CYTH2: variants seen among roughly 807,000 people sequenced by gnomAD.
CYTH2 encodes the protein cytohesin-2.
CYTH2 carries 24 observed loss-of-function variants against 55.4 expected under a neutral mutation model. The observed-to-expected ratio is 0.43, with a 90% confidence interval of 0.31 to 0.61. The LOEUF (loss-of-function observed/expected upper bound fraction) is 0.61. CYTH2 is among the 20% of genes least tolerant of loss of function. The pLI, the probability that CYTH2 is intolerant of heterozygous loss-of-function variation, is 0.08. For synonymous variants in CYTH2, 221 were observed against 209.6 expected (o/e 1.05, Z -0.47); for missense variants, 378 against 533.5 (o/e 0.71, Z 2.87).
At chr19:48,478,411 C>T in intron 10 of CYTH2, 27 bp from the exon 11 acceptor site, 1 of 1,613,200 alleles carries the variant, frequency 6.2e-7, no homozygotes, top group Non-Finnish European at 8.5e-7. Flanking sequence ...CTGGTTCTTA[C>T]CTGCGCCCTT....
chr19:48,469,725 C>G (rs1971745149), intron 1 of CYTH2, 199 bp downstream of exon 1: 1 of 856,248 alleles, frequency 1.2e-6, no homozygotes, highest in East Asian at 2.8e-5. Flanking sequence ...ATTGTTTGGG[C>G]TGAGCCTGTT....
intron 1 of CYTH2, 163 bp from the exon 2 acceptor site, chr19:48,470,190 C>G (rs1389145555): frequency 1.8e-6 from 2 of 1,119,046 alleles, no homozygotes; most frequent in African/African-American, 3.1e-5. Context: ...AGCCCCAGCT[C>G]TTTCTCCTCT....
At chr19:48,470,795 C>T (rs915269813) in intron 3 of CYTH2, 126 bp downstream of exon 3, 10 of 1,005,774 alleles carry the variant, frequency 9.9e-6, no homozygotes, top group Non-Finnish European at 1.5e-5. Context: ...GTCCTAATCC[C>T]TGGATTCAGA....
At position 48,480,468 on chromosome 19, in the gene CYTH2, T is replaced by G. The variant is rs1163589227; in HGVS notation, c.*1258T>G. The G allele has an allele frequency of 6.6e-6, 1 of 152,190 alleles. No individual in the cohort carries two copies. The highest frequency in any genetic ancestry group is 1.5e-5 in the Non-Finnish European group (1 of 68,032). 9.4% of individuals were successfully genotyped at this position (152,190 alleles called of 1,614,324 possible). A position where few individuals can be genotyped will look rare whatever the true frequency, so the allele number is the denominator to read the frequency against. Reference sequence around the variant, plus strand: ...CCTTGGCCACAGGCACCTGCCGGCCTGAAGGCCCCCGCGGTGGGGGTACCC... The same window carrying G: ...CCTTGGCCACAGGCACCTGCCGGCCGGAAGGCCCCCGCGGTGGGGGTACCC... On this transcript the variant is annotated 3_prime_UTR_variant, in exon 12 of 12. Coordinates refer to ENST00000452733, the MANE Select transcript of CYTH2 (RefSeq NM_004228.7).
In CYTH2 at chr19:48,479,367, TATTA is replaced by T. The variant is rs1289390751; in HGVS notation, c.*162_*165del. ...GTAATTAACACGCTGTTGGTAATCTTATTAATTATTTAACCACTTGGCCTGCTGA... is the reference window on the plus strand; with the variant it reads ...GTAATTAACACGCTGTTGGTAATCTTATTATTTAACCACTTGGCCTGCTGA... On this transcript the variant is annotated 3_prime_UTR_variant, in exon 12 of 12. Transcript: ENST00000452733. 29 of 697,134 alleles carry T rather than the reference TATTA, an allele frequency of 4.2e-5. 1 individual carries two copies. In the South Asian group the frequency reaches 4.4e-4, roughly 11 times the overall value. The allele number at this position is 697,134 out of a possible 1,614,324, so 43.2% of individuals were successfully genotyped here. A position where few individuals can be genotyped will look rare whatever the true frequency, so the allele number is the denominator to read the frequency against.
At chr19:48,472,192 G>A in intron 3 of CYTH2, 133 bp from the exon 4 acceptor site, 1 of 737,888 alleles carries the variant, frequency 1.4e-6, no homozygotes, top group Non-Finnish European at 2.3e-6. Flanking sequence ...TTTAAGACCT[G>A]TGAGAAGGCT....
chr19:48,473,188 T>G lies in CYTH2; in HGVS notation c.354-110T>G, dbSNP rs903716206. 1.3e-5 allele frequency: 15 copies of G among 1,184,238 alleles called. No individual in the cohort carries two copies. In the African/African-American group the frequency reaches 2.1e-4, roughly 17 times the overall value. The allele number at this position is 1,184,238 out of a possible 1,614,324, so 73.4% of individuals were successfully genotyped here. On this transcript the variant is annotated intron_variant, in intron 4 of 11. Coordinates refer to ENST00000452733, the MANE Select transcript of CYTH2 (RefSeq NM_004228.7). Reference sequence around the variant, plus strand: ...CAGCAGGAAACTTCACCCTCGGCAGTGGGCAGCTGTGGTGCAGTAGAGGGG... The same window carrying G: ...CAGCAGGAAACTTCACCCTCGGCAGGGGGCAGCTGTGGTGCAGTAGAGGGG...
Position 48,481,051 on chromosome 19 carries a change from AG to A in CYTH2, c.*1845del, listed in dbSNP as rs1972036916. Reference sequence around the variant, plus strand: ...TGGAAGCCGTGCAAGGGCAGGAGGCAGGGGCCTGACGTGTTTGGATTGAGGT... The same window carrying A: ...TGGAAGCCGTGCAAGGGCAGGAGGCAGGGCCTGACGTGTTTGGATTGAGGT... On this transcript the variant is annotated 3_prime_UTR_variant, in exon 12 of 12. Transcript: ENST00000452733. 2.0e-5 allele frequency: 3 copies of A among 152,528 alleles called. No individual in the cohort carries two copies. In the South Asian group the frequency reaches 6.2e-4, roughly 32 times the overall value. The allele number at this position is 152,528 out of a possible 1,614,324, so 9.4% of individuals were successfully genotyped here. A position where few individuals can be genotyped will look rare whatever the true frequency, so the allele number is the denominator to read the frequency against.
At chr19:48,469,680 T>G in intron 1 of CYTH2, 154 bp downstream of exon 1, 1 of 1,206,786 alleles carries the variant, frequency 8.3e-7, no homozygotes, top group Non-Finnish European at 1.1e-6. Context: ...CTGGACGGGC[T>G]TCCGGCGGGG....
At chr19:48,469,625 G>A in intron 1 of CYTH2, 99 bp downstream of exon 1, 3 of 1,344,908 alleles carry the variant, frequency 2.2e-6, no homozygotes, top group Non-Finnish European at 2.9e-6. Flanking sequence ...GCGCCCAGAA[G>A]CGTTCGGCTC....
chr19:48,478,185 A>G lies in CYTH2; in HGVS notation c.885+40A>G, dbSNP rs118057612. 1,118 of 1,612,308 alleles carry G rather than the reference A, an allele frequency of 6.9e-4. 11 individuals carry two copies. The East Asian group carries it at 0.023, about 34-fold the overall frequency. On this transcript the variant is annotated intron_variant, in intron 9 of 11. Transcript: ENST00000452733. ...ACCCGGGCTCTGGGGTCCTGGGCGG[A>G]GTGGCTGGGAGCCTGGACTCCTGGG...
rs1330502200 is a variant in CYTH2, at chr19:48,478,129, A to G, written c.869A>G (p.Tyr290Cys). The stretch of plus-strand genomic sequence containing the variant: ...ATCCTCACAGACAACTGCCTCTACT[A>G]CTTTGAGTACACCACGGTGAGCGTG... ...WFILTDNCLY[Y>C]FEYTTDKEPR... is the part of the protein sequence containing the mutation. Residue 290 changes from tyrosine (Y) to cysteine (C), a missense_variant, in exon 9 of 12, where the codon TAC becomes TGC. By Grantham distance (194) the Tyr-to-Cys change is radical. Transcript: ENST00000452733. 6.2e-7 allele frequency: 1 copy of G among 1,613,964 alleles called. No homozygotes were observed. The highest frequency in any genetic ancestry group is 8.5e-7 in the Non-Finnish European group (1 of 1,179,966).
rs887369879 is a variant in CYTH2 at position 48,474,920 on chromosome 19, C to T, written c.779C>T (p.Pro260Leu). The T allele has an allele frequency of 1.2e-6, 2 of 1,614,202 alleles. No homozygotes were observed. The highest frequency in any genetic ancestry group is 1.7e-6 in the Non-Finnish European group (2 of 1,180,036). ...GACCTGACCCACACCTTCTTCAACC[C>T]GGACCGGGAGGGCTGGCTCCTGAAG... Reference protein sequence around the residue: ...GNDLTHTFFNPDREGWLLKLG... With the variant: ...GNDLTHTFFNLDREGWLLKLG... Residue 260 changes from proline to leucine, a missense_variant, in exon 8 of 12, where the codon CCG becomes CTG. By Grantham distance (98) the Pro-to-Leu change is moderately conservative. Transcript: ENST00000452733. The surrounding 1 kb of genome is among the most constrained non-coding windows in gnomAD (Gnocchi z 4.9).
intron 4 of CYTH2, 32 bp downstream of exon 4, chr19:48,472,475 C>T (rs375475761): frequency 1.1e-5 from 17 of 1,552,700 alleles, no homozygotes; most frequent in East Asian, 2.3e-5. Context: ...TGTGGGGCCC[C>T]TCCCTCCCAC....
At chr19:48,472,785 G>A in intron 4 of CYTH2, 1 of 386,488 alleles carries the variant, frequency 2.6e-6, no homozygotes, top group Non-Finnish European at 5.0e-6. Flanking sequence ...GCACTGGGTG[G>A]CCATCTGGGA....
Position 48,479,983 on chromosome 19 carries a change from C to T in CYTH2, c.*773C>T, listed in dbSNP as rs1237910040. The T allele has an allele frequency of 2.0e-5, 3 of 152,346 alleles. No homozygotes were observed. Among genetic ancestry groups the T allele is most frequent in the Admixed American group, 1.3e-4 (2 of 15,286 alleles). The allele number at this position is 152,346 out of a possible 1,614,324, so 9.4% of individuals were successfully genotyped here. A position where few individuals can be genotyped will look rare whatever the true frequency, so the allele number is the denominator to read the frequency against. ...TGTCTGTTCTCAAAGGATCAGCCTC[C>T]TTTGGAGGACATTTTGTGTCAAGGA... On this transcript the variant is annotated 3_prime_UTR_variant, in exon 12 of 12. Transcript: ENST00000452733.
chr19:48,470,174 G>A, intron 1 of CYTH2, 179 bp from the exon 2 acceptor site: 2 of 1,010,356 alleles, frequency 2.0e-6, no homozygotes, highest in Non-Finnish European at 1.5e-6. Context: ...GGACTCAAGA[G>A]TTTAGAGCCC....
At chr19:48,475,068 T>A in intron 8 of CYTH2, 119 bp downstream of exon 8, 1 of 877,880 alleles carries the variant, frequency 1.1e-6, no homozygotes, top group Admixed American at 2.8e-5. Flanking sequence ...TCGACCTCTC[T>A]GAACCTCAGT....
rs571850049 is a variant in CYTH2, at chr19:48,472,429, C to T, written c.339C>T (p.Asp113=). 1 of 1,613,468 alleles carries T rather than the reference C, an allele frequency of 6.2e-7. No homozygotes were observed. Among genetic ancestry groups the T allele is most frequent in the East Asian group, 2.2e-5 (1 of 44,884 alleles). The change falls in exon 4 of 12, where the codon GAC becomes GAT. Residue 113 remains aspartate, a synonymous_variant. Transcript: ENST00000452733. ...GEGLNKTAIG[D]YLGEREELNL... is the part of the protein sequence containing the mutation. ...GGCTGAACAAGACAGCCATCGGGGA[C>T]TACCTGGGGGAGAGGTACGGTCACC...
Sources: allele counts gnomAD v4.1 joint callset, GRCh38; gene constraint gnomAD v4.1.1; non-coding constraint Gnocchi (gnomAD v3.1); transcripts MANE v1.5; gene names NCBI Gene and HGNC (gene_info 2026-07-23, HGNC 2026-07-21).